Variants in IL18BP observed in about 807,000 individuals in gnomAD.
The protein encoded by IL18BP is interleukin-18-binding protein.
A neutral mutation model predicts 19.9 loss-of-function variants in IL18BP; 23 were observed. That is an observed-to-expected ratio of 1.15 (90% confidence interval 0.83 to 1.64). IL18BP has a LOEUF of 1.64. Ranked by LOEUF, IL18BP falls within the 40% of genes most tolerant of loss-of-function variation. The pLI, the probability that IL18BP is intolerant of heterozygous loss-of-function variation, is 0.00. For synonymous variants in IL18BP, 107 were observed against 101.0 expected (o/e 1.06, Z -0.35); for missense variants, 239 against 240.7 (o/e 0.99, Z 0.05).
At chr11:71,999,078 A>G (rs1487775947) in intron 1 of IL18BP, 59 bp downstream of exon 1, 1 of 492,254 alleles carries the variant, frequency 2.0e-6, no homozygotes, top group Non-Finnish European at 4.0e-6. Context: ...AGGGGCTAGG[A>G]TGAGAGACAG....
At chr11:72,003,945 G>T (rs764189347), downstream of IL18BP, 85 of 1,613,584 alleles carry the variant, frequency 5.3e-5, no homozygotes, top group Non-Finnish European at 7.0e-5. Context: ...GCTGGCTGTG[G>T]TGGTGGCAAT....
downstream of IL18BP, chr11:72,006,032 C>T: frequency 6.2e-7 from 1 of 1,609,212 alleles, no homozygotes; most frequent in Non-Finnish European, 8.5e-7. Flanking sequence ...GTAGTCCCCT[C>T]ACCTGGAGGG....
downstream of IL18BP, chr11:72,004,142 T>G: frequency 6.2e-7 from 1 of 1,610,994 alleles, no homozygotes; most frequent in South Asian, 1.1e-5. Flanking sequence ...AATGCTGCCT[T>G]CCCAGGCCAG....
At position 72,001,975 on chromosome 11, in the gene IL18BP, C is replaced by G; in HGVS notation, c.*114C>G. 6.9e-7 allele frequency: 1 copy of G among 1,453,084 alleles called. No individual in the cohort carries two copies. The highest frequency in any genetic ancestry group is 9.4e-7 in the Non-Finnish European group (1 of 1,069,090). 90.0% of individuals were successfully genotyped at this position (1,453,084 alleles called of 1,614,324 possible). A position where few individuals can be genotyped will look rare whatever the true frequency, so the allele number is the denominator to read the frequency against. ...TAGGCTGCGTGGATGCGCAACACAC[C>G]CCCTCCTTCTCTGCTTTGGGTCCCT... On this transcript the variant is annotated 3_prime_UTR_variant, in exon 6 of 6. Transcript: ENST00000393703.
downstream of IL18BP, chr11:72,005,207 C>T: frequency 1.3e-6 from 2 of 1,568,900 alleles, no homozygotes; most frequent in Admixed American, 1.9e-5. Context: ...GGATGGGAGG[C>T]CCTGCACAGT....
chr11:72,000,611 G>A lies in IL18BP; in HGVS notation c.235+54G>A, dbSNP rs921114996. The A allele has an allele frequency of 6.3e-5, 95 of 1,498,616 alleles. No individual in the cohort carries two copies. The Admixed American group carries it at 1.1e-3, about 17-fold the overall frequency. 92.8% of individuals were successfully genotyped at this position (1,498,616 alleles called of 1,614,324 possible). A position where few individuals can be genotyped will look rare whatever the true frequency, so the allele number is the denominator to read the frequency against. On this transcript the variant is annotated intron_variant, in intron 3 of 5. Coordinates refer to ENST00000393703, the MANE Select transcript of IL18BP (RefSeq NM_001039660.2). The stretch of plus-strand genomic sequence containing the variant: ...TATGGGCACAGAGGTTCCCAGGGTC[G>A]GGTTGACTCCTGAGCGCCAGTCCCC...
At chr11:72,005,171 G>T, downstream of IL18BP, 1 of 1,495,580 alleles carries the variant, frequency 6.7e-7, no homozygotes, top group Non-Finnish European at 8.9e-7. Context: ...GGCTAGATCA[G>T]CAGGTGGGAT....
chr11:72,001,730 A>G (rs778222313), intron 5 of IL18BP, 54 bp from the exon 6 acceptor site: 247 of 1,613,394 alleles, frequency 1.5e-4, no homozygotes, highest in Non-Finnish European at 2.0e-4. Context: ...GGGCAAAGTG[A>G]TGAGATGTCC....
rs547795142 is a variant in IL18BP, at chr11:72,000,324, G to A, written c.29-27G>A. On this transcript the variant is annotated intron_variant, in intron 2 of 5. Transcript: ENST00000393703. ...GGCAGCCCACTCTGTCTCCAGAGCC[G>A]CTGACCTGTAACTGTCCTTTCCTCA... is the stretch of plus-strand genomic sequence containing the variant. The A allele has an allele frequency of 7.1e-5, 113 of 1,601,752 alleles. 1 individual carries two copies. The East Asian group carries it at 1.7e-3, about 24-fold the overall frequency.
chr11:71,999,431 G>A (rs55659741), intron 1 of IL18BP: 1 of 245,120 alleles, frequency 4.1e-6, no homozygotes, highest in African/African-American at 2.3e-5. Context: ...GGGTAGATTA[G>A]AGATCCCAGT....
downstream of IL18BP, chr11:72,006,125 A>G: frequency 6.2e-7 from 1 of 1,614,170 alleles, no homozygotes; most frequent in East Asian, 2.2e-5. Context: ...AGCAGGGCTG[A>G]GTTGCCATAA....
chr11:72,003,867 C>G (rs767293287), downstream of IL18BP: 3 of 1,612,228 alleles, frequency 1.9e-6, no homozygotes, highest in East Asian at 6.7e-5. Context: ...TTCCCTCCCC[C>G]ATCCTGCCAG....
At chr11:72,003,377 GC>G (rs1484691372), downstream of IL18BP, 2 of 772,762 alleles carry the variant, frequency 2.6e-6, no homozygotes, top group Non-Finnish European at 4.5e-6. Flanking sequence ...CAGGGACCAG[GC>G]CAGGGTGCGG....
chr11:72,001,050 T>C (rs1284287499), intron 3 of IL18BP, 151 bp from the exon 4 acceptor site: 3 of 850,490 alleles, frequency 3.5e-6, no homozygotes, highest in Non-Finnish European at 5.5e-6. Context: ...TGCACTTCTG[T>C]AACGGACGTT....
At chr11:72,007,239 G>C, downstream of IL18BP, 1 of 1,612,984 alleles carries the variant, frequency 6.2e-7, no homozygotes, top group Non-Finnish European at 8.5e-7. Flanking sequence ...CGAGCGGAGC[G>C]GGTCTTACGA....
rs915269187 is a variant in IL18BP, at chr11:72,002,783, T to C, written c.*922T>C. 4 of 186,086 alleles carry C rather than the reference T, an allele frequency of 2.1e-5. No individual in the cohort carries two copies. The highest frequency in any genetic ancestry group is 9.4e-5 in the African/African-American group (4 of 42,720). 11.5% of individuals were successfully genotyped at this position (186,086 alleles called of 1,614,324 possible). ...AAGGGATGAGAGAAAGGAGGTGGTA[T>C]GGAAGACTCAGCAGGAACAAGGTAG... is the stretch of plus-strand genomic sequence containing the variant. On this transcript the variant is annotated 3_prime_UTR_variant, in exon 6 of 6. Coordinates refer to ENST00000393703, the MANE Select transcript of IL18BP (RefSeq NM_001039660.2).
downstream of IL18BP, chr11:72,006,240 G>A (rs756144350): frequency 1.2e-6 from 2 of 1,614,198 alleles, no homozygotes; most frequent in Non-Finnish European, 1.7e-6. Context: ...AGTTGGCGCT[G>A]TCTGGCTCTT....
rs1157814966 is a variant in IL18BP, at chr11:72,000,372, T to A, written c.50T>A (p.Leu17Gln). 6 of 1,613,896 alleles carry A rather than the reference T, an allele frequency of 3.7e-6. No homozygotes were observed. In the Admixed American group the frequency reaches 8.3e-5, roughly 22 times the overall value. The change falls in exon 3 of 6, where the codon CTG (leucine) becomes CAG (glutamine). Residue 17 changes from leucine (L) to glutamine (Q), a missense_variant. Coordinates refer to ENST00000393703, the MANE Select transcript of IL18BP (RefSeq NM_001039660.2). The stretch of plus-strand genomic sequence containing the variant: ...TCAGACCTCAGCCCTTTGTGGGTCC[T>A]GCTCCTGTGTGCCCACGTCGTCACT... The part of the protein sequence containing the change: ...WTPDLSPLWV[L>Q]LLCAHVVTLL...
downstream of IL18BP, chr11:72,004,698 G>C: frequency 1.2e-6 from 2 of 1,613,738 alleles, no homozygotes; most frequent in Non-Finnish European, 1.7e-6. Context: ...CTGCTGCCGG[G>C]TGGTGATGCC....
Sources: gnomAD v4.1 joint callset for allele counts on GRCh38, gnomAD v4.1.1 for gene constraint, MANE v1.5 for transcripts, NCBI Gene and HGNC (gene_info 2026-07-23, HGNC 2026-07-21) for gene names.